The following CHST9 variants were observed in gnomAD, a reference collection of about 807,000 sequenced individuals.
CHST9 encodes GalNAc-4-sulfotransferase 2.
In CHST9, 41 loss-of-function variants were observed where a neutral mutation model predicts 44.4. The ratio of observed to expected loss-of-function variants is 0.92; its 90% CI spans 0.72 to 1.20. The LOEUF is 1.20. Ranked by LOEUF, CHST9 falls within the 50% of genes most tolerant of loss-of-function variation. CHST9 has a pLI of 0.00. For synonymous variants in CHST9, 171 were observed against 178.4 expected, an observed-to-expected ratio of 0.96 and a Z score of 0.33; for missense variants, 504 against 516.5, an observed-to-expected ratio of 0.98 and a Z score of 0.23.
At chr18:26,990,666 A>G (rs2056805838) in intron 4 of CHST9, among the ~76,000 whole-genome samples, 2 of 152,294 alleles carry the variant, frequency 1.3e-5, no homozygotes, top group African/African-American at 4.8e-5. Context: ...TCCCTGCAAG[A>G]CTATGTGTGC....
chr18:27,096,533 A>G (rs1187801518), intron 2 of CHST9, among the ~76,000 whole-genome samples: 16 of 152,078 alleles, frequency 1.1e-4, no homozygotes, highest in Non-Finnish European at 2.9e-5. Context: ...GTAGATTGCT[A>G]GCTAGATTAA....
intron 5 of CHST9, among the ~76,000 whole-genome samples, chr18:26,922,622 T>C (rs73400726): frequency 0.012 from 1,696 of 139,450 alleles, 39 homozygotes; most frequent in African/African-American, 0.042. Flanking sequence ...AGCCTAATTC[T>C]TGTTATTTTT....
At chr18:26,998,931 T>C (rs1423161654) in intron 4 of CHST9, among the ~76,000 whole-genome samples, 4 of 152,200 alleles carry the variant, frequency 2.6e-5, no homozygotes, top group African/African-American at 9.6e-5. Flanking sequence ...TGAGGTGCGT[T>C]GTCCATGGCA....
chr18:26,991,454 A>T (rs1186069901), intron 4 of CHST9, among the ~76,000 whole-genome samples: 1 of 152,198 alleles, frequency 6.6e-6, no homozygotes, highest in Non-Finnish European at 1.5e-5. Context: ...TGCTTCTTAG[A>T]CTTTTAATGA....
intron 4 of CHST9, among the ~76,000 whole-genome samples, chr18:26,978,518 C>T (rs886850608): frequency 6.6e-6 from 1 of 152,150 alleles, no homozygotes; most frequent in African/African-American, 2.4e-5. Flanking sequence ...AAAAATAAGA[C>T]ACCTCTCTGT....
intron 2 of CHST9, among the ~76,000 whole-genome samples, chr18:27,066,906 T>A (rs373493741): frequency 6.6e-6 from 1 of 152,296 alleles, no homozygotes; most frequent in East Asian, 1.9e-4. Context: ...TCAGTAAATA[T>A]CTTTGTCTTA....
At chr18:27,180,258 C>T (rs116218685) in intron 1 of CHST9, among the ~76,000 whole-genome samples, 5 of 152,212 alleles carry the variant, frequency 3.3e-5, no homozygotes, top group Middle Eastern at 3.4e-3. Context: ...TTCATACAAG[C>T]GCTGACTTTA....
At chr18:27,180,078 C>T (rs1424772933) in intron 1 of CHST9, among the ~76,000 whole-genome samples, 1 of 152,078 alleles carries the variant, frequency 6.6e-6, no homozygotes, top group Non-Finnish European at 1.5e-5. Flanking sequence ...GGCAAATTTT[C>T]CCTATACCAT....
intron 4 of CHST9, among the ~76,000 whole-genome samples, chr18:27,014,453 CAAAAAAAAAAAAAAAAAAAAAAAAAA>C (rs57437876): frequency 5.1e-5 from 2 of 39,422 alleles, no homozygotes; most frequent in East Asian, 8.1e-4. Flanking sequence ...GACTCTGTCT[CAAAAAAAAAAAAAAAAAAAAAAAAAA>C]AAAAAAAAAA....
intron 2 of CHST9, among the ~76,000 whole-genome samples, chr18:27,074,447 A>G (rs1189721966): frequency 1.3e-5 from 2 of 152,214 alleles, no homozygotes; most frequent in African/African-American, 2.4e-5. Context: ...CATTTAAAAA[A>G]TAGCCTAGGG....
intron 2 of CHST9, among the ~76,000 whole-genome samples, chr18:27,074,798 AAAT>A (rs1390340830): frequency 4.7e-4 from 69 of 148,382 alleles, no homozygotes; most frequent in African/African-American, 7.3e-5. Context: ...TAATAAAAAT[AAAT>A]AATATTAACT....
chr18:27,066,223 A>G (rs1461204228), intron 2 of CHST9, among the ~76,000 whole-genome samples: 1 of 152,218 alleles, frequency 6.6e-6, no homozygotes, highest in African/African-American at 2.4e-5. Context: ...CTAGGAGTTA[A>G]CAAGGTAAAA....
chr18:27,133,771 G>A (rs1018702140), intron 2 of CHST9, among the ~76,000 whole-genome samples: 4 of 152,200 alleles, frequency 2.6e-5, no homozygotes, highest in Non-Finnish European at 5.9e-5. Flanking sequence ...TATTGAAGCT[G>A]TACCCTGAAG....
chr18:26,942,192 T>C (rs1164690209), intron 5 of CHST9, among the ~76,000 whole-genome samples: 4 of 152,190 alleles, frequency 2.6e-5, no homozygotes, highest in African/African-American at 9.7e-5. Context: ...ATTTCTTGAC[T>C]CTCTGCCAGA....
rs990614082 is a variant in CHST9 at position 27,002,945 on chromosome 18, T to C, written c.202+21171A>G. Among the ~76,000 whole-genome samples the C allele has an allele frequency of 1.1e-4, 17 of 152,302 alleles. No homozygotes were observed. In the East Asian group the frequency reaches 3.3e-3, roughly 29 times the overall value. ...AAAATCTTTTACTAAGTTAAAAAACTGAAATTAAAATTAATTTATCTGTAC... is the reference window on the plus strand; with the variant it reads ...AAAATCTTTTACTAAGTTAAAAAACCGAAATTAAAATTAATTTATCTGTAC... On this transcript the variant is annotated intron_variant, in intron 4 of 5. Transcript: ENST00000618847.
At chr18:27,163,220 C>T (rs898001495) in intron 1 of CHST9, among the ~76,000 whole-genome samples, 9 of 152,136 alleles carry the variant, frequency 5.9e-5, no homozygotes, top group Admixed American at 6.5e-5. Flanking sequence ...TCAGTCTGCC[C>T]CTACTGGGGG....
chr18:27,031,478 G>A lies in CHST9; in HGVS notation c.161-7321C>T, dbSNP rs77407734. ...TAATCATTCTTTTTAGCTTTTCAGC[G>A]CTGCAGCATTCTGGCCAAGGTCCTT... is the stretch of plus-strand genomic sequence containing the variant. On this transcript the variant is annotated intron_variant, in intron 3 of 5. Coordinates refer to ENST00000618847, the MANE Select transcript of CHST9 (RefSeq NM_031422.6). Among the ~76,000 whole-genome samples, 1,519 of 151,982 alleles carry A rather than the reference G, an allele frequency of 1.0e-2. 24 individuals carry two copies. Among genetic ancestry groups the A allele is most frequent in the African/African-American group, 0.035 (1,448 of 41,430 alleles).
chr18:26,917,243 T>G lies in CHST9; in HGVS notation c.348A>C (p.Gly116=). The G allele has an allele frequency of 6.2e-7, 1 of 1,613,900 alleles. No individual in the cohort carries two copies. The highest frequency in any genetic ancestry group is 8.5e-7 in the Non-Finnish European group (1 of 1,179,826). ...TGGACTTACTTAAAGCTTGATCCCC[T>G]CCTTGTGAATGACTGGTCTTTGTTA... ...RLLTKTSHSQ[G]GDQALSKSTG... The change falls in exon 6 of 6, where the codon GGA becomes GGC. Residue 116 remains glycine (G), a synonymous_variant. Coordinates refer to ENST00000618847, the MANE Select transcript of CHST9 (RefSeq NM_031422.6).
At chr18:26,993,763 A>T (rs1026734491) in intron 4 of CHST9, among the ~76,000 whole-genome samples, 1 of 152,230 alleles carries the variant, frequency 6.6e-6, no homozygotes, top group African/African-American at 2.4e-5. Flanking sequence ...CCATTTGGAA[A>T]CTGTGAACTG....
Sources: gnomAD v4.1 joint callset for allele counts (sites outside exome capture counted in the v4.1 genomes callset) on GRCh38, gnomAD v4.1.1 for gene constraint, MANE v1.5 for transcripts, NCBI Gene and HGNC (gene_info 2026-07-23, HGNC 2026-07-21) for gene names.